Variants in PDE12 observed in about 807,000 individuals in gnomAD.
The protein encoded by PDE12 is 2',5'-phosphodiesterase 12.
PDE12 carries 26 observed loss-of-function variants against 45.4 expected under a neutral mutation model. The observed-to-expected ratio is 0.57, with a 90% CI of 0.42 to 0.79. PDE12 has a LOEUF of 0.79. PDE12 is among the 30% of genes least tolerant of loss of function. The pLI, the probability that PDE12 is intolerant of heterozygous loss-of-function variation, is 0.00. For missense variants in PDE12, 668 were observed against 790.0 expected, an observed-to-expected ratio of 0.85 and a Z score of 1.85; for synonymous variants, 283 against 323.9, an observed-to-expected ratio of 0.87 and a Z score of 1.36.
In PDE12 at chr3:57,561,907, C is replaced by G. The variant is rs192365019; in HGVS notation, c.*1903C>G. The G allele has an allele frequency of 1.4e-5, 14 of 984,834 alleles. No individual in the cohort carries two copies. The African/African-American group carries it at 2.4e-4, about 17-fold the overall frequency. The allele number at this position is 984,834 out of a possible 1,614,324, so 61.0% of individuals were successfully genotyped here. A position where few individuals can be genotyped will look rare whatever the true frequency, so the allele number is the denominator to read the frequency against. Reference sequence around the variant, plus strand: ...AAGGGGAAAATTAAAGTGGAAGTTTCTTCGGATCTTGTTTAGAAAAAACTA... The same window carrying G: ...AAGGGGAAAATTAAAGTGGAAGTTTGTTCGGATCTTGTTTAGAAAAAACTA... On this transcript the variant is annotated 3_prime_UTR_variant, in exon 3 of 3. Transcript: ENST00000311180.
chr3:57,646,498 C>A, the PDE12 span: 1 of 1,525,938 alleles, frequency 6.6e-7, no homozygotes, highest in South Asian at 1.3e-5. Context: ...TTTTAAAATT[C>A]CTACATAATC....
At chr3:57,584,756 T>C in the PDE12 span, among the ~76,000 whole-genome samples, 1 of 152,014 alleles carries the variant, frequency 6.6e-6, no homozygotes, top group East Asian at 1.9e-4. Flanking sequence ...TGAGTGACTT[T>C]AGGACACTGA....
Position 57,556,721 on chromosome 3 carries a change from G to A in PDE12, c.342G>A (p.Glu114=). 1 of 1,595,934 alleles carries A rather than the reference G, an allele frequency of 6.3e-7. No individual in the cohort carries two copies. Among genetic ancestry groups the A allele is most frequent in the Non-Finnish European group, 8.6e-7 (1 of 1,167,880 alleles). ...CGGCCTGTTCAGGGCCGGGGCCTGA[G>A]CCGGCTGTGTTCTGCGAGCCCGTGG... ...GGAACSGPGP[E]PAVFCEPVVK... is the part of the protein sequence containing the mutation. Residue 114 remains glutamate (E), a synonymous_variant, in exon 1 of 3, where the codon GAG becomes GAA. Transcript: ENST00000311180. The surrounding 1 kb of genome is among the most constrained non-coding windows in gnomAD (Gnocchi z 5.0).
At chr3:57,630,243 A>G in the PDE12 span, 2 of 501,232 alleles carry the variant, frequency 4.0e-6, no homozygotes, top group Non-Finnish European at 6.6e-6. Context: ...AAAGATTAAA[A>G]GAGATTATCT....
rs2069706032 is a variant in PDE12, at chr3:57,559,638, C to T, written c.1464C>T (p.Gly488=). 1.9e-6 allele frequency: 3 copies of T among 1,614,058 alleles called. No individual in the cohort carries two copies. Among genetic ancestry groups the T allele is most frequent in the East Asian group, 2.2e-5 (1 of 44,892 alleles). ...ATGTTTCATGTGATCTGTATCCTGG[C>T]ATACCAGTTATATTTTGTGGGGACT... ...IRHVSCDLYP[G]IPVIFCGDFN... The change falls in exon 3 of 3, where the codon GGC becomes GGT. Residue 488 remains glycine, a synonymous_variant. Coordinates refer to ENST00000311180, the MANE Select transcript of PDE12 (RefSeq NM_177966.7).
At chr3:57,599,228 T>C in the PDE12 span, among the ~76,000 whole-genome samples, 2 of 152,206 alleles carry the variant, frequency 1.3e-5, no homozygotes, top group Non-Finnish European at 1.5e-5. Context: ...AGACAAATGG[T>C]TGCATTCCTT....
At chr3:57,652,993 T>C in the PDE12 span, among the ~76,000 whole-genome samples, 1 of 152,242 alleles carries the variant, frequency 6.6e-6, no homozygotes, top group Non-Finnish European at 1.5e-5. Context: ...TATTAGATGA[T>C]ATTAACTTAT....
the PDE12 span, among the ~76,000 whole-genome samples, chr3:57,593,352 A>G: frequency 1.3e-5 from 2 of 152,240 alleles, no homozygotes; most frequent in African/African-American, 4.8e-5. Flanking sequence ...CAAGAGGAAA[A>G]ACATAAAAAA....
the PDE12 span, among the ~76,000 whole-genome samples, chr3:57,591,043 C>T: frequency 6.6e-6 from 1 of 152,048 alleles, no homozygotes; most frequent in African/African-American, 2.4e-5. Context: ...GAAATGTCCC[C>T]CACAGTCACA....
the PDE12 span, among the ~76,000 whole-genome samples, chr3:57,590,918 A>G: frequency 6.6e-6 from 1 of 152,212 alleles, no homozygotes; most frequent in Non-Finnish European, 1.5e-5. Context: ...GTTTAAAATA[A>G]TAATTTAAAA....
the PDE12 span, among the ~76,000 whole-genome samples, chr3:57,582,287 T>C: frequency 2.6e-5 from 4 of 152,102 alleles, no homozygotes; most frequent in East Asian, 7.7e-4. Context: ...TTGTCACCCA[T>C]GCTGGAGTGC....
At chr3:57,631,525 C>T in the PDE12 span, among the ~76,000 whole-genome samples, 1 of 151,794 alleles carries the variant, frequency 6.6e-6, no homozygotes, top group Non-Finnish European at 1.5e-5. Context: ...TAATAGTTAA[C>T]CTTACTGAGC....
At chr3:57,645,210 C>T in the PDE12 span, among the ~76,000 whole-genome samples, 56,115 of 151,998 alleles carry the variant, frequency 0.37, 12,200 homozygotes, top group South Asian at 0.56. Flanking sequence ...CACCTGTAAT[C>T]CCAGCACTTT....
the PDE12 span, among the ~76,000 whole-genome samples, chr3:57,584,978 C>T: frequency 6.6e-6 from 1 of 152,100 alleles, no homozygotes; most frequent in African/African-American, 2.4e-5. Context: ...ATTCTCCTGC[C>T]TCAGCCTCCC....
chr3:57,560,832 A>G lies in PDE12; in HGVS notation c.*828A>G, dbSNP rs1317614619. ...AGACCTAAGGTGAGAGACTTGACAC[A>G]TGGAAGGAGTAACATTAGGGTCTAC... On this transcript the variant is annotated 3_prime_UTR_variant, in exon 3 of 3. Coordinates refer to ENST00000311180, the MANE Select transcript of PDE12 (RefSeq NM_177966.7). The G allele has an allele frequency of 3.0e-6, 3 of 985,094 alleles. No homozygotes were observed. The highest frequency in any genetic ancestry group is 1.1e-4 in the East Asian group (1 of 8,816). 61.0% of individuals were successfully genotyped at this position (985,094 alleles called of 1,614,324 possible).
At chr3:57,643,131 G>A in the PDE12 span, among the ~76,000 whole-genome samples, 1 of 152,068 alleles carries the variant, frequency 6.6e-6, no homozygotes, top group South Asian at 2.1e-4. Context: ...GACTGGAAAG[G>A]GAGCAATAGA....
the PDE12 span, among the ~76,000 whole-genome samples, chr3:57,602,649 C>T: frequency 6.6e-6 from 1 of 152,104 alleles, no homozygotes; most frequent in Admixed American, 6.5e-5. Flanking sequence ...TGGCTCACTG[C>T]ACCCTCCGTC....
At chr3:57,571,712 C>A (rs903083102), downstream of PDE12, 7 of 153,044 alleles carry the variant, frequency 4.6e-5, no homozygotes, top group African/African-American at 1.7e-4. Context: ...GAAAAATTTC[C>A]TCAGTGCAAG....
chr3:57,655,952 T>C, the PDE12 span, among the ~76,000 whole-genome samples: 1 of 152,240 alleles, frequency 6.6e-6, no homozygotes, highest in African/African-American at 2.4e-5. Flanking sequence ...ATGAGTCAAG[T>C]ATCAAAACGA....
Sources: allele counts gnomAD v4.1 joint callset (sites outside exome capture counted in the v4.1 genomes callset), GRCh38; gene constraint gnomAD v4.1.1; non-coding constraint Gnocchi (gnomAD v3.1); transcripts MANE v1.5; gene names NCBI Gene and HGNC (gene_info 2026-07-23, HGNC 2026-07-21).